Variants in VPS13A observed in about 807,000 individuals in gnomAD.
VPS13A encodes the protein vacuolar protein sorting 13 homolog A.
VPS13A carries 264 observed loss-of-function variants against 390.9 expected under a neutral mutation model. The ratio of observed to expected loss-of-function variants is 0.68; its 90% CI spans 0.61 to 0.75. The LOEUF (loss-of-function observed/expected upper bound fraction) is 0.75. Ranked by LOEUF, VPS13A falls within the 30% of genes least tolerant of loss-of-function variation. The probability of loss-of-function intolerance (pLI) is 0.00; values close to 1 mark genes in which losing one functional copy is unlikely to be tolerated. For missense variants in VPS13A, 3,409 were observed against 3,733.9 expected, an observed-to-expected ratio of 0.91 and a Z score of 2.27; for synonymous variants, 1,231 against 1,227.1, an observed-to-expected ratio of 1.00 and a Z score of -0.07.
intron 17 of VPS13A, among the ~76,000 whole-genome samples, chr9:77,237,797 C>T (rs1824239892): frequency 6.6e-6 from 1 of 152,142 alleles, no homozygotes; most frequent in African/African-American, 2.4e-5. Context: ...AACTTTTTTA[C>T]ATATAAGTCA....
Position 77,415,978 on chromosome 9 carries a change from A to C in VPS13A, c.9497A>C (p.Glu3166Ala). ...DARWILTKLQEAREPSPSL is the reference protein window; with the variant it reads ...DARWILTKLQAAREPSPSL ...CAGTGGATCCTCACAAAGCTACAAGAAGCAAGAGAACCTTCTCCGAGCCTC... is the reference window on the plus strand; with the variant it reads ...CAGTGGATCCTCACAAAGCTACAAGCAGCAAGAGAACCTTCTCCGAGCCTC... Residue 3166 changes from glutamate to alanine, a missense_variant, in exon 72 of 72, where the codon GAA becomes GCA. Glu to Ala is a moderately radical substitution (Grantham distance 107). Coordinates refer to ENST00000360280, the MANE Select transcript of VPS13A (RefSeq NM_033305.3). 6.2e-7 allele frequency: 1 copy of C among 1,613,622 alleles called. No individual in the cohort carries two copies. Among genetic ancestry groups the C allele is most frequent in the Non-Finnish European group, 8.5e-7 (1 of 1,179,612 alleles).
At chr9:77,247,883 G>A (rs1824915449) in intron 20 of VPS13A, among the ~76,000 whole-genome samples, 1 of 152,110 alleles carries the variant, frequency 6.6e-6, no homozygotes, top group Non-Finnish European at 1.5e-5. Context: ...GGTCTCGAAT[G>A]CCTGTACTGA....
At chr9:77,393,446 T>C (rs1833982877) in intron 68 of VPS13A, among the ~76,000 whole-genome samples, 1 of 152,232 alleles carries the variant, frequency 6.6e-6, no homozygotes, top group African/African-American at 2.4e-5. Context: ...TCTAGAATAG[T>C]GAATCCTTTC....
rs1175241983 is a variant in VPS13A, at chr9:77,202,909, A to G, written c.187+1502A>G. Among the ~76,000 whole-genome samples the G allele has an allele frequency of 3.3e-5, 5 of 152,258 alleles. No homozygotes were observed. The East Asian group carries it at 9.7e-4, about 29-fold the overall frequency. On this transcript the variant is annotated intron_variant, in intron 3 of 71. Coordinates refer to ENST00000360280, the MANE Select transcript of VPS13A (RefSeq NM_033305.3). ...AATATCACTGTTTTTTCCCCCTTCT[A>G]GTAGACATCGAGTTTCTTGAGAAGA... is the stretch of plus-strand genomic sequence containing the variant.
chr9:77,315,277 T>A lies in VPS13A; in HGVS notation c.4437T>A (p.Phe1479Leu). The A allele has an allele frequency of 6.2e-7, 1 of 1,613,912 alleles. No individual in the cohort carries two copies. Among genetic ancestry groups the A allele is most frequent in the Non-Finnish European group, 8.5e-7 (1 of 1,179,812 alleles). The change falls in exon 38 of 72, where the codon TTT becomes TTA. Residue 1479 changes from phenylalanine to leucine, a missense_variant. By Grantham distance (22) the Phe-to-Leu change is conservative. Coordinates refer to ENST00000360280, the MANE Select transcript of VPS13A (RefSeq NM_033305.3). ...TPRMIGLTVG[F>L]DKKDMMDIKY... is the part of the protein sequence containing the mutation. Reference sequence around the variant, plus strand: ...GAATGATAGGACTGACAGTTGGTTTTGACAAAAAAGACATGATGGATATAA... The same window carrying A: ...GAATGATAGGACTGACAGTTGGTTTAGACAAAAAAGACATGATGGATATAA...
In VPS13A at chr9:77,274,961, G is replaced by A. The variant is rs1180203640; in HGVS notation, c.2513-537G>A. 3.9e-5 allele frequency among the ~76,000 whole-genome samples: 6 copies of A among 152,148 alleles called. No individual in the cohort carries two copies. The South Asian group carries it at 8.3e-4, about 21-fold the overall frequency. Reference sequence around the variant, plus strand: ...CTTTTTAATATCAGCATATGTGTATGCTGATGTGTATTACATATCAACGTA... The same window carrying A: ...CTTTTTAATATCAGCATATGTGTATACTGATGTGTATTACATATCAACGTA... On this transcript the variant is annotated intron_variant, in intron 24 of 71. Transcript: ENST00000360280.
chr9:77,318,739 A>G, intron 41 of VPS13A, 148 bp downstream of exon 41: 1 of 841,564 alleles, frequency 1.2e-6, no homozygotes, highest in Non-Finnish European at 1.8e-6. Flanking sequence ...TTTAGAAAAA[A>G]GTTTTCAAAT....
chr9:77,384,447 C>T, intron 68 of VPS13A: 3 of 1,172,692 alleles, frequency 2.6e-6, no homozygotes, highest in African/African-American at 1.5e-5. Context: ...TCCATAATTA[C>T]AGTCTGAGTC....
At chr9:77,227,518 A>ATATT (rs760455543) in intron 16 of VPS13A, 33 bp downstream of exon 16, 9 of 1,461,854 alleles carry the variant, frequency 6.2e-6, no homozygotes, top group Admixed American at 3.4e-5. Context: ...ACCTTAGAAT[A>ATATT]TATTTATTTA....
At chr9:77,325,727 A>G (rs1829984884) in intron 45 of VPS13A, among the ~76,000 whole-genome samples, 3 of 151,956 alleles carry the variant, frequency 2.0e-5, no homozygotes. Context: ...TTCAAGTAGT[A>G]TTTTGCCCCT....
chr9:77,278,237 ATTTTTTT>A (rs57545793), intron 26 of VPS13A, among the ~76,000 whole-genome samples: 14 of 115,400 alleles, frequency 1.2e-4, no homozygotes, highest in South Asian at 6.0e-4. Context: ...CGCCCAGCTA[ATTTTTTT>A]TTTTTTTTTT....
In VPS13A at chr9:77,189,456, C is replaced by G. The variant is rs1281174917; in HGVS notation, c.101-10489C>G. 2.6e-5 allele frequency among the ~76,000 whole-genome samples: 4 copies of G among 152,078 alleles called. No homozygotes were observed. The East Asian group carries it at 7.7e-4, about 29-fold the overall frequency. On this transcript the variant is annotated intron_variant, in intron 1 of 71. Coordinates refer to ENST00000360280, the MANE Select transcript of VPS13A (RefSeq NM_033305.3). ...TGGGCTCTTGACCTGTTCCATTGGTCTACATGTCTGTTTTTGTATCAGTGC... is the reference window on the plus strand; with the variant it reads ...TGGGCTCTTGACCTGTTCCATTGGTGTACATGTCTGTTTTTGTATCAGTGC...
intron 68 of VPS13A, among the ~76,000 whole-genome samples, chr9:77,384,353 T>C (rs1238810967): frequency 1.3e-5 from 2 of 151,916 alleles, no homozygotes; most frequent in South Asian, 2.1e-4. Flanking sequence ...AAATACCTTA[T>C]TGATATCATC....
chr9:77,203,791 C>T (rs1825474070), intron 3 of VPS13A, among the ~76,000 whole-genome samples: 1 of 152,064 alleles, frequency 6.6e-6, no homozygotes, highest in African/African-American at 2.4e-5. Flanking sequence ...TTTTCACAAT[C>T]TTATTATTTC....
At chr9:77,181,974 T>G (rs1318999801) in intron 1 of VPS13A, among the ~76,000 whole-genome samples, 1 of 152,242 alleles carries the variant, frequency 6.6e-6, no homozygotes, top group Non-Finnish European at 1.5e-5. Context: ...TAAGGTATAC[T>G]TTTTATACAC....
intron 10 of VPS13A, 42 bp downstream of exon 10, chr9:77,214,428 T>C (rs774586415): frequency 1.0e-5 from 16 of 1,526,614 alleles, no homozygotes; most frequent in Non-Finnish European, 1.4e-5. Flanking sequence ...TTAAAGTAAT[T>C]GGTATAAATT....
Position 77,275,436 on chromosome 9 carries a change from T to C in VPS13A, c.2513-62T>C, listed in dbSNP as rs1826596556. 4.7e-6 allele frequency: 7 copies of C among 1,502,704 alleles called. No individual in the cohort carries two copies. The Admixed American group carries it at 8.4e-5, about 18-fold the overall frequency. The allele number at this position is 1,502,704 out of a possible 1,614,324, so 93.1% of individuals were successfully genotyped here. A position where few individuals can be genotyped will look rare whatever the true frequency, so the allele number is the denominator to read the frequency against. The stretch of plus-strand genomic sequence containing the variant: ...GTTTTAGTGTTCATATTTATTTCTA[T>C]TGAAATACTGTTAAATTGATCATTT... On this transcript the variant is annotated intron_variant, in intron 24 of 71. Transcript: ENST00000360280.
At chr9:77,275,732 T>C in intron 25 of VPS13A, 80 bp downstream of exon 25, 1 of 1,454,868 alleles carries the variant, frequency 6.9e-7, no homozygotes, top group Non-Finnish European at 9.6e-7. Flanking sequence ...GTCTCATTGT[T>C]AAGAAGCACT....
intron 34 of VPS13A, 25 bp downstream of exon 34, chr9:77,303,087 A>G: frequency 6.2e-7 from 1 of 1,613,638 alleles, no homozygotes; most frequent in Middle Eastern, 1.7e-4. Context: ...ATACTTATCA[A>G]TTTTTGTTTT....
Sources: allele counts gnomAD v4.1 joint callset (sites outside exome capture counted in the v4.1 genomes callset), GRCh38; gene constraint gnomAD v4.1.1; transcripts MANE v1.5; gene names NCBI Gene and HGNC (gene_info 2026-07-23, HGNC 2026-07-21).